ZFHX3: variants seen among roughly 807,000 people sequenced by gnomAD.
The protein encoded by ZFHX3 is zinc finger homeobox protein 3.
A neutral mutation model predicts 279.1 loss-of-function variants in ZFHX3; 42 were observed. The observed-to-expected ratio is 0.15, with a 90% CI of 0.12 to 0.19. The LOEUF is 0.19. ZFHX3 is among the 10% of genes least tolerant of loss of function. The pLI is 1.00. For synonymous variants in ZFHX3, 2,293 were observed against 1,957.8 expected (o/e 1.17, Z -4.52); for missense variants, 4,981 against 4,754.0 (o/e 1.05, Z -1.40).
At chr16:73,455,316 G>A (rs1246713947) in intron 3 of ZFHX3, among the ~76,000 whole-genome samples, 3 of 152,146 alleles carry the variant, frequency 2.0e-5, no homozygotes, top group African/African-American at 4.8e-5. Context: ...AATTGATTGC[G>A]AGAATAGAGA....
chr16:73,479,950 C>A (rs2018835908), intron 2 of ZFHX3, among the ~76,000 whole-genome samples: 1 of 152,210 alleles, frequency 6.6e-6, no homozygotes, highest in East Asian at 1.9e-4. Context: ...AGGTTAAAAG[C>A]TCCGGGTCAA....
chr16:73,664,897 C>T (rs887256677), intron 2 of ZFHX3, among the ~76,000 whole-genome samples: 1 of 152,170 alleles, frequency 6.6e-6, no homozygotes, highest in Non-Finnish European at 1.5e-5. Context: ...TTAGTTAATG[C>T]ATTTCCATAG....
chr16:73,733,785 G>A (rs28692599), intron 1 of ZFHX3, among the ~76,000 whole-genome samples: 13,274 of 152,138 alleles, frequency 0.087, 644 homozygotes, highest in African/African-American at 0.11. Flanking sequence ...TCAGTGAAGG[G>A]CAATTATTTG....
intron 2 of ZFHX3, among the ~76,000 whole-genome samples, chr16:73,621,868 C>A (rs1340448976): frequency 6.6e-6 from 1 of 152,066 alleles, no homozygotes; most frequent in Non-Finnish European, 1.5e-5. Flanking sequence ...AACCAGAGAA[C>A]CAGGAACAGC....
chr16:73,314,536 G>A (rs916111582), intron 4 of ZFHX3, among the ~76,000 whole-genome samples: 1 of 152,190 alleles, frequency 6.6e-6, no homozygotes, highest in Non-Finnish European at 1.5e-5. Context: ...GGGCTCTGTA[G>A]TCCGTGCTCC....
intron 2 of ZFHX3, among the ~76,000 whole-genome samples, chr16:73,471,721 C>T (rs2018672068): frequency 6.6e-6 from 1 of 152,162 alleles, no homozygotes. Context: ...AAAGGAATTA[C>T]AGGAAAAGAA....
At chr16:72,915,979 A>T (rs986227895) in intron 3 of ZFHX3, among the ~76,000 whole-genome samples, 24 of 152,254 alleles carry the variant, frequency 1.6e-4, no homozygotes, top group Admixed American at 3.9e-4. Context: ...CACTTCAGCC[A>T]GAAAACATAA....
chr16:73,594,706 ACCACTGGCCG>A (rs2052030976), intron 2 of ZFHX3, among the ~76,000 whole-genome samples: 1 of 152,202 alleles, frequency 6.6e-6, no homozygotes, highest in African/African-American at 2.4e-5. Context: ...TGATGCTGGA[ACCACTGGCCG>A]CCCACAAGCC....
chr16:73,628,837 G>A (rs911818878), intron 2 of ZFHX3, among the ~76,000 whole-genome samples: 1 of 152,164 alleles, frequency 6.6e-6, no homozygotes, highest in African/African-American at 2.4e-5. Flanking sequence ...AAGTTTAAAT[G>A]TAATAGAAGC....
intron 2 of ZFHX3, among the ~76,000 whole-genome samples, chr16:73,463,792 C>A: frequency 6.6e-6 from 1 of 152,282 alleles, no homozygotes; most frequent in South Asian, 2.1e-4. Context: ...ATGCAGTGCA[C>A]TAAACAGAAG....
At chr16:73,694,133 G>T (rs2053173960) in intron 1 of ZFHX3, among the ~76,000 whole-genome samples, 1 of 151,770 alleles carries the variant, frequency 6.6e-6, no homozygotes, top group Non-Finnish European at 1.5e-5. Flanking sequence ...GACCAGCCTG[G>T]CCAGCATGGT....
chr16:73,787,549 A>G (rs1206899861), intron 1 of ZFHX3, among the ~76,000 whole-genome samples: 1 of 152,182 alleles, frequency 6.6e-6, no homozygotes, highest in Non-Finnish European at 1.5e-5. Flanking sequence ...AATTTGGGTG[A>G]GACCTGGATT....
At chr16:73,098,161 G>A (rs1249424414) in intron 7 of ZFHX3, among the ~76,000 whole-genome samples, 1 of 151,070 alleles carries the variant, frequency 6.6e-6, no homozygotes, top group Non-Finnish European at 1.5e-5. Context: ...TCTGTCTCCT[G>A]GGTTCAAGCG....
intron 3 of ZFHX3, among the ~76,000 whole-genome samples, chr16:72,921,105 A>C (rs2039571808): frequency 6.7e-6 from 1 of 149,458 alleles, no homozygotes; most frequent in Non-Finnish European, 1.5e-5. Context: ...AGCTAATCCA[A>C]CCAAACTCAG....
chr16:73,244,059 T>G lies in ZFHX3; in HGVS notation c.-1104+12988A>C, dbSNP rs758915602. Among the ~76,000 whole-genome samples, 40 of 152,172 alleles carry G rather than the reference T, an allele frequency of 2.6e-4. 1 individual carries two copies. The highest frequency in any genetic ancestry group is 4.7e-4 in the Non-Finnish European group (32 of 68,034). ...ATGCACCATGCTAGGCAGCCCTCCTTTCAAAGAAAGGCTTGTGAAATCAGG... is the reference window on the plus strand; with the variant it reads ...ATGCACCATGCTAGGCAGCCCTCCTGTCAAAGAAAGGCTTGTGAAATCAGG... On this transcript the variant is annotated intron_variant, in intron 5 of 17. Coordinates refer to the ZFHX3 transcript ENST00000641206.
At chr16:73,325,445 G>A (rs2015662097) in intron 3 of ZFHX3, among the ~76,000 whole-genome samples, 1 of 152,140 alleles carries the variant, frequency 6.6e-6, no homozygotes. Context: ...GGGTGAGTCT[G>A]GTGACTCTGC....
chr16:73,236,155 C>T (rs560017518), intron 5 of ZFHX3, among the ~76,000 whole-genome samples: 6 of 152,230 alleles, frequency 3.9e-5, no homozygotes, highest in South Asian at 2.1e-4. Flanking sequence ...ACACGGCATA[C>T]GTCAAGGGAG....
intron 3 of ZFHX3, among the ~76,000 whole-genome samples, chr16:73,403,777 G>T (rs1345343725): frequency 1.3e-5 from 2 of 152,176 alleles, no homozygotes; most frequent in Non-Finnish European, 2.9e-5. Flanking sequence ...TTTGTCTCCG[G>T]ATTGTGAGGC....
At chr16:72,937,890 A>C (rs938253028) in intron 3 of ZFHX3, among the ~76,000 whole-genome samples, 3 of 152,376 alleles carry the variant, frequency 2.0e-5, no homozygotes, top group Admixed American at 2.0e-4. Context: ...TTGTAAAACA[A>C]CACCTTTCAG....
Sources: gnomAD v4.1 joint callset for allele counts (sites outside exome capture counted in the v4.1 genomes callset) on GRCh38, gnomAD v4.1.1 for gene constraint, MANE v1.5 for transcripts, NCBI Gene and HGNC (gene_info 2026-07-23, HGNC 2026-07-21) for gene names.